GTPBP10: variants seen among roughly 807,000 people sequenced by gnomAD.
GTPBP10 encodes the protein GTP-binding protein 10.
In GTPBP10, 38 loss-of-function variants were observed where a neutral mutation model predicts 44.8. The ratio of observed to expected loss-of-function variants is 0.85; its 90% confidence interval spans 0.65 to 1.11. The LOEUF (loss-of-function observed/expected upper bound fraction) is 1.11, where lower values mean the gene tolerates loss of function less well. GTPBP10 is among the 50% of genes most tolerant of loss of function. The pLI, the probability that GTPBP10 is intolerant of heterozygous loss-of-function variation, is 0.00. For synonymous variants in GTPBP10, 152 were observed against 150.6 expected (o/e 1.01, Z -0.07); for missense variants, 462 against 453.7 (o/e 1.02, Z -0.17).
chr7:90,353,512 T>A (rs1584627930), intron 2 of GTPBP10, among the ~76,000 whole-genome samples: 1 of 152,218 alleles, frequency 6.6e-6, no homozygotes, highest in Admixed American at 6.5e-5. Context: ...TTTTTTCACA[T>A]GTCAAAATTA....
intron 6 of GTPBP10, among the ~76,000 whole-genome samples, chr7:90,376,993 G>T (rs1463944993): frequency 6.6e-6 from 1 of 152,220 alleles, no homozygotes; most frequent in African/African-American, 2.4e-5. Flanking sequence ...GGAGGCTAAG[G>T]TGAGAGGATC....
intron 6 of GTPBP10, among the ~76,000 whole-genome samples, chr7:90,374,820 A>T (rs1439534733): frequency 6.6e-6 from 1 of 151,696 alleles, no homozygotes; most frequent in Non-Finnish European, 1.5e-5. Context: ...GAAAAAAACT[A>T]AAAAAAGGAA....
At chr7:90,374,701 T>G (rs763828212) in intron 6 of GTPBP10, among the ~76,000 whole-genome samples, 3 of 152,212 alleles carry the variant, frequency 2.0e-5, no homozygotes, top group Non-Finnish European at 4.4e-5. Flanking sequence ...TTATTCCAAC[T>G]TTTCTTTTTT....
chr7:90,374,439 G>GT, intron 6 of GTPBP10, 85 bp downstream of exon 6: 1 of 854,230 alleles, frequency 1.2e-6, no homozygotes, highest in South Asian at 1.5e-5. Context: ...GTTTTTGCCT[G>GT]TTTCTGTGGT....
At chr7:90,363,604 T>C (rs174073) in intron 4 of GTPBP10, among the ~76,000 whole-genome samples, 70,817 of 151,964 alleles carry the variant, frequency 0.47, 17,407 homozygotes, top group East Asian at 0.63. Flanking sequence ...AATCTGACAA[T>C]TATGTGTCTT....
chr7:90,347,501 GA>G (rs969290647), intron 1 of GTPBP10: 434 of 459,900 alleles, frequency 9.4e-4, no homozygotes, highest in African/African-American at 5.3e-3. Flanking sequence ...CAACTTTCTT[GA>G]AAAAAAAATC....
chr7:90,346,792 C>T lies in GTPBP10; in HGVS notation c.33+18C>T, dbSNP rs779915770. ...TCAGAAAGGTCCGTGCGGGTCCCCT[C>T]AGCCTGGTCCCCTTAGCGCTGACAG... On this transcript the variant is annotated intron_variant, in intron 1 of 9. Coordinates refer to ENST00000222511, the MANE Select transcript of GTPBP10 (RefSeq NM_033107.4). The T allele has an allele frequency of 1.9e-6, 3 of 1,613,530 alleles. No homozygotes were observed. In the Admixed American group the frequency reaches 5.0e-5, roughly 27 times the overall value.
chr7:90,378,696 C>T (rs1162099351), intron 8 of GTPBP10, among the ~76,000 whole-genome samples: 2 of 151,894 alleles, frequency 1.3e-5, no homozygotes, highest in African/African-American at 4.8e-5. Flanking sequence ...TAGCTGATAC[C>T]TAAATCTTTT....
In GTPBP10 at chr7:90,386,782, G is replaced by A. The variant is rs1796532145; in HGVS notation, c.*1628G>A. The A allele has an allele frequency of 6.6e-6, 1 of 152,126 alleles. No homozygotes were observed. Among genetic ancestry groups the A allele is most frequent in the South Asian group, 2.1e-4 (1 of 4,820 alleles). The allele number at this position is 152,126 out of a possible 1,614,324, so 9.4% of individuals were successfully genotyped here. A position where few individuals can be genotyped will look rare whatever the true frequency, so the allele number is the denominator to read the frequency against. ...CTGAGTGTTTCACAAATACAAACTG[G>A]ACATTTTCCCTTTAAATGAGTTTTA... On this transcript the variant is annotated 3_prime_UTR_variant, in exon 10 of 10. Transcript: ENST00000222511.
At chr7:90,365,727 TTC>T (rs1796121745) in intron 4 of GTPBP10, among the ~76,000 whole-genome samples, 3 of 152,344 alleles carry the variant, frequency 2.0e-5, no homozygotes, top group Admixed American at 6.5e-5. Context: ...CAATTTGACT[TTC>T]TCTTTTCCTA....
chr7:90,365,729 C>T (rs1253019612), intron 4 of GTPBP10, among the ~76,000 whole-genome samples: 1 of 152,222 alleles, frequency 6.6e-6, no homozygotes, highest in Non-Finnish European at 1.5e-5. Flanking sequence ...ATTTGACTTT[C>T]TCTTTTCCTA....
At chr7:90,367,433 C>G (rs893110915) in intron 4 of GTPBP10, among the ~76,000 whole-genome samples, 1 of 152,136 alleles carries the variant, frequency 6.6e-6, no homozygotes, top group Non-Finnish European at 1.5e-5. Context: ...TTGTAGCTCT[C>G]TAAGGACTTG....
intron 7 of GTPBP10, 135 bp from the exon 8 acceptor site, chr7:90,377,999 T>C (rs967205892): frequency 2.6e-6 from 3 of 1,144,222 alleles, no homozygotes; most frequent in African/African-American, 1.7e-5. Flanking sequence ...CTGTTACTTA[T>C]TTTGAATTAC....
At chr7:90,364,951 T>C (rs1796102097) in intron 4 of GTPBP10, among the ~76,000 whole-genome samples, 1 of 152,214 alleles carries the variant, frequency 6.6e-6, no homozygotes, top group African/African-American at 2.4e-5. Flanking sequence ...TAATCTCATG[T>C]TGTGCCATTT....
At chr7:90,354,653 T>A in intron 3 of GTPBP10, 104 bp downstream of exon 3, 1 of 601,354 alleles carries the variant, frequency 1.7e-6, no homozygotes, top group Non-Finnish European at 2.9e-6. Context: ...TAACTAACAA[T>A]TTTAGCTACT....
intron 4 of GTPBP10, among the ~76,000 whole-genome samples, chr7:90,360,642 G>A (rs944837221): frequency 5.3e-5 from 8 of 152,030 alleles, no homozygotes; most frequent in Non-Finnish European, 1.2e-4. Context: ...GTTTCCATAC[G>A]AACTTTAAAG....
At chr7:90,351,216 CTT>C (rs1282670295) in intron 1 of GTPBP10, among the ~76,000 whole-genome samples, 1 of 152,172 alleles carries the variant, frequency 6.6e-6, no homozygotes, top group Non-Finnish European at 1.5e-5. Flanking sequence ...TTACATTTCT[CTT>C]GACTGCAAAT....
intron 8 of GTPBP10, among the ~76,000 whole-genome samples, chr7:90,381,164 G>A (rs573378569): frequency 2.8e-4 from 42 of 152,166 alleles, no homozygotes; most frequent in East Asian, 9.6e-4. Flanking sequence ...TGGGATTGCC[G>A]GATCATATGG....
Position 90,385,002 on chromosome 7 carries a change from T to C in GTPBP10, c.1012T>C (p.Cys338Arg). Residue 338 changes from cysteine to arginine, a missense_variant, in exon 10 of 10, where the codon TGT becomes CGT. Cys to Arg is a radical substitution (Grantham distance 180, BLOSUM62 -3). Transcript: ENST00000222511. ...AGAAGGAATCGAAGAATTAAAGAAT[T>C]GTATAAGAAAGTCACTGGATGAACA... The part of the protein sequence containing the change: ...TGEGIEELKN[C>R]IRKSLDEQAN... The C allele has an allele frequency of 6.2e-7, 1 of 1,613,918 alleles. No individual in the cohort carries two copies. The highest frequency in any genetic ancestry group is 8.5e-7 in the Non-Finnish European group (1 of 1,179,918).
Sources: gnomAD v4.1 joint callset for allele counts (sites outside exome capture counted in the v4.1 genomes callset) on GRCh38, gnomAD v4.1.1 for gene constraint, MANE v1.5 for transcripts, NCBI Gene and HGNC (gene_info 2026-07-23, HGNC 2026-07-21) for gene names.